Variants in ZDHHC17 observed in about 807,000 individuals in gnomAD.
The protein encoded by ZDHHC17 is palmitoyltransferase ZDHHC17.
Under a neutral mutation model 90.3 loss-of-function variants are expected in ZDHHC17, and 40 were observed. That is an observed-to-expected ratio of 0.44 (90% CI 0.34 to 0.58). The LOEUF (loss-of-function observed/expected upper bound fraction) is 0.58. Ranked by LOEUF, ZDHHC17 falls within the 20% of genes least tolerant of loss-of-function variation. The probability of loss-of-function intolerance (pLI) is 0.01; values close to 1 mark genes in which losing one functional copy is unlikely to be tolerated. For synonymous variants in ZDHHC17, 235 were observed against 252.4 expected (o/e 0.93, Z 0.65); for missense variants, 614 against 780.8 (o/e 0.79, Z 2.55).
At chr12:76,809,469 G>A (rs1952994863) in intron 4 of ZDHHC17, among the ~76,000 whole-genome samples, 1 of 151,930 alleles carries the variant, frequency 6.6e-6, no homozygotes, top group African/African-American at 2.4e-5. Flanking sequence ...ATAGAATATA[G>A]TAATTATTTA....
At chr12:76,816,194 AT>A (rs1412859838) in intron 7 of ZDHHC17, among the ~76,000 whole-genome samples, 175 bp downstream of exon 7, 1 of 151,922 alleles carries the variant, frequency 6.6e-6, no homozygotes, top group African/African-American at 2.4e-5. Context: ...TGGTTATTTT[AT>A]TGTCTTATTT....
At chr12:76,786,437 G>A (rs896547055) in intron 1 of ZDHHC17, among the ~76,000 whole-genome samples, 2 of 152,150 alleles carry the variant, frequency 1.3e-5, no homozygotes, top group Non-Finnish European at 2.9e-5. Context: ...TTGTATTTTA[G>A]TAGAGATGGG....
chr12:76,764,558 C>T (rs1403006578), intron 1 of ZDHHC17: 3 of 579,424 alleles, frequency 5.2e-6, no homozygotes, highest in African/African-American at 3.8e-5. Context: ...CTGGCTGTGC[C>T]TGGAGGACAG....
At chr12:76,818,211 G>T (rs1364803654) in intron 7 of ZDHHC17, among the ~76,000 whole-genome samples, 2 of 152,140 alleles carry the variant, frequency 1.3e-5, no homozygotes, top group Non-Finnish European at 2.9e-5. Context: ...ATCTACACTG[G>T]TGACAAAGTA....
In ZDHHC17 at chr12:76,788,692, T is replaced by A. The variant is rs1484361757; in HGVS notation, c.94-8742T>A. 1.9e-3 allele frequency among the ~76,000 whole-genome samples: 231 copies of A among 124,736 alleles called. 28 individuals carry two copies. Among genetic ancestry groups the A allele is most frequent in the Non-Finnish European group, 1.5e-3 (88 of 59,608 alleles). 81.8% of individuals were successfully genotyped at this position (124,736 alleles called of 152,430 possible). On this transcript the variant is annotated intron_variant, in intron 1 of 16. Transcript: ENST00000426126. Reference sequence around the variant, plus strand: ...TATATTTAAGTTGGAATCGCAATTTTTTTTTTTTTTTTTTTTTTTTTTGAG... The same window carrying A: ...TATATTTAAGTTGGAATCGCAATTTATTTTTTTTTTTTTTTTTTTTTTGAG...
intron 15 of ZDHHC17, 116 bp from the exon 16 acceptor site, chr12:76,849,260 C>G (rs915052194): frequency 1.1e-5 from 6 of 540,634 alleles, no homozygotes; most frequent in Non-Finnish European, 1.9e-5. Flanking sequence ...TTGAGCCCAC[C>G]CAAGAGGGAG....
At chr12:76,824,770 A>G (rs1333857214) in intron 8 of ZDHHC17, among the ~76,000 whole-genome samples, 1 of 151,714 alleles carries the variant, frequency 6.6e-6, no homozygotes, top group Non-Finnish European at 1.5e-5. Context: ...TTGAGCCCGG[A>G]AGGTTGAGGC....
Position 76,851,090 on chromosome 12 carries a change from A to T in ZDHHC17, c.*105A>T. On this transcript the variant is annotated 3_prime_UTR_variant, in exon 17 of 17. Transcript: ENST00000426126. Reference sequence around the variant, plus strand: ...CACATCCTTTGAACAAGAGCATGCTATGTGTAGGGCTAATGGTGAATTTTA... The same window carrying T: ...CACATCCTTTGAACAAGAGCATGCTTTGTGTAGGGCTAATGGTGAATTTTA... 1 of 1,414,508 alleles carries T rather than the reference A, an allele frequency of 7.1e-7. No individual in the cohort carries two copies. Among genetic ancestry groups the T allele is most frequent in the South Asian group, 1.3e-5 (1 of 79,796 alleles). 87.6% of individuals were successfully genotyped at this position (1,414,508 alleles called of 1,614,324 possible). A position where few individuals can be genotyped will look rare whatever the true frequency, so the allele number is the denominator to read the frequency against.
Position 76,845,801 on chromosome 12 carries a change from A to G in ZDHHC17, c.1422A>G (p.Val474=). ...DHHCPWVGNC[V]GAGNHRYFMG... ...ATTGCCCATGGGTGGGTAACTGTGT[A>G]GGTAAGTTGTATTAGTAATTTCTTC... is the stretch of plus-strand genomic sequence containing the variant. The change falls in exon 13 of 17, where the codon GTA becomes GTG. Residue 474 remains valine (V), a splice_region_variant and synonymous_variant. Coordinates refer to ENST00000426126, the MANE Select transcript of ZDHHC17 (RefSeq NM_015336.4). 1 of 1,574,132 alleles carries G rather than the reference A, an allele frequency of 6.4e-7. No homozygotes were observed. The highest frequency in any genetic ancestry group is 8.7e-7 in the Non-Finnish European group (1 of 1,145,296).
intron 1 of ZDHHC17, chr12:76,769,105 C>T (rs748849339): frequency 4.7e-5 from 20 of 425,730 alleles, no homozygotes; most frequent in South Asian, 3.3e-4. Flanking sequence ...GTTGCCCAGG[C>T]TGAAGTGCAA....
intron 2 of ZDHHC17, among the ~76,000 whole-genome samples, chr12:76,798,138 C>T (rs920227605): frequency 6.6e-6 from 1 of 152,006 alleles, no homozygotes; most frequent in Admixed American, 6.5e-5. Flanking sequence ...AAATGGAAAC[C>T]ATCAGTGTGC....
At chr12:76,779,898 A>G (rs922895301) in intron 1 of ZDHHC17, among the ~76,000 whole-genome samples, 1 of 151,716 alleles carries the variant, frequency 6.6e-6, no homozygotes, top group Non-Finnish European at 1.5e-5. Context: ...GCCTATAGAT[A>G]TCCAACTGCT....
In ZDHHC17 at chr12:76,848,045, T is replaced by C. The variant is rs906851174; in HGVS notation, c.1508-188T>C. Among the ~76,000 whole-genome samples, 3 of 152,214 alleles carry C rather than the reference T, an allele frequency of 2.0e-5. No individual in the cohort carries two copies. In the East Asian group the frequency reaches 5.8e-4, roughly 29 times the overall value. On this transcript the variant is annotated intron_variant, in intron 14 of 16. Coordinates refer to ENST00000426126, the MANE Select transcript of ZDHHC17 (RefSeq NM_015336.4). ...TTTTTTTAAGATTGGCTGCTCCTTT[T>C]CCATTTCTGTGTTTTTTCACTGAGA...
intron 8 of ZDHHC17, among the ~76,000 whole-genome samples, chr12:76,822,938 T>C (rs1401490973): frequency 1.3e-5 from 2 of 152,122 alleles, no homozygotes; most frequent in African/African-American, 4.8e-5. Context: ...TTACAGCCTT[T>C]AATTTTGGCA....
chr12:76,851,098 G>A lies in ZDHHC17; in HGVS notation c.*113G>A. ...TTGAACAAGAGCATGCTATGTGTAG[G>A]GCTAATGGTGAATTTTACAGTCTTT... is the stretch of plus-strand genomic sequence containing the variant. On this transcript the variant is annotated 3_prime_UTR_variant, in exon 17 of 17. Transcript: ENST00000426126. 1 of 1,294,744 alleles carries A rather than the reference G, an allele frequency of 7.7e-7. No homozygotes were observed. The allele number at this position is 1,294,744 out of a possible 1,614,324, so 80.2% of individuals were successfully genotyped here.
At chr12:76,820,838 A>T (rs1220200658) in intron 7 of ZDHHC17, among the ~76,000 whole-genome samples, 1 of 152,144 alleles carries the variant, frequency 6.6e-6, no homozygotes, top group African/African-American at 2.4e-5. Flanking sequence ...CTCCATGTAG[A>T]TTCTTGCTGT....
At chr12:76,845,141 A>C (rs1464347667) in intron 12 of ZDHHC17, 1 of 152,122 alleles carries the variant, frequency 6.6e-6, no homozygotes, top group African/African-American at 2.4e-5. Flanking sequence ...TTAATCTGAG[A>C]TCTCAGAAGG....
intron 10 of ZDHHC17, among the ~76,000 whole-genome samples, chr12:76,830,728 AG>A (rs1350656657): frequency 2.0e-5 from 3 of 152,178 alleles, no homozygotes; most frequent in African/African-American, 7.2e-5. Context: ...TTTATGTTTG[AG>A]GAAAAAACTC....
intron 1 of ZDHHC17, chr12:76,769,305 C>A (rs1007963882): frequency 1.3e-5 from 2 of 159,032 alleles, no homozygotes; most frequent in Non-Finnish European, 2.8e-5. Flanking sequence ...GGTGATCCAC[C>A]CGCCTCGGCC....
Sources: allele counts gnomAD v4.1 joint callset (sites outside exome capture counted in the v4.1 genomes callset), GRCh38; gene constraint gnomAD v4.1.1; transcripts MANE v1.5; gene names NCBI Gene and HGNC (gene_info 2026-07-23, HGNC 2026-07-21).